The following COP1 variants were observed in gnomAD, a reference collection of about 807,000 sequenced individuals.
COP1 encodes the protein COP1 E3 ubiquitin ligase.
A neutral mutation model predicts 101.3 loss-of-function variants in COP1; 24 were observed. The ratio of observed to expected loss-of-function variants is 0.24; its 90% CI spans 0.17 to 0.33. The LOEUF is 0.33. COP1 is among the 10% of genes least tolerant of loss of function. The pLI is 1.00. For missense variants in COP1, 663 were observed against 906.2 expected (o/e 0.73, Z 3.45); for synonymous variants, 347 against 341.9 (o/e 1.01, Z -0.17).
At chr1:176,147,218 T>C (rs996418393) in intron 6 of COP1, among the ~76,000 whole-genome samples, 1 of 152,096 alleles carries the variant, frequency 6.6e-6, no homozygotes, top group Non-Finnish European at 1.5e-5. Context: ...AACACGCAAA[T>C]AGACTTACAT....
At chr1:175,951,608 T>A (rs975140790) in intron 18 of COP1, among the ~76,000 whole-genome samples, 1 of 151,628 alleles carries the variant, frequency 6.6e-6, no homozygotes, top group African/African-American at 2.4e-5. Flanking sequence ...AAGAAACAAA[T>A]GAAGTGAGTC....
chr1:176,080,997 T>C (rs546949852), intron 11 of COP1, among the ~76,000 whole-genome samples, 155 bp downstream of exon 11: 6 of 152,218 alleles, frequency 3.9e-5, no homozygotes, highest in East Asian at 1.9e-4. Flanking sequence ...ATTTGGCATA[T>C]AGAAGCTCAG....
intron 14 of COP1, among the ~76,000 whole-genome samples, chr1:176,041,872 G>A (rs1670606154): frequency 6.6e-6 from 1 of 152,084 alleles, no homozygotes; most frequent in Non-Finnish European, 1.5e-5. Flanking sequence ...CTAGCACTTT[G>A]GGAGGTTGAG....
In COP1 at chr1:175,966,229, T is replaced by TA. The variant is rs544337869; in HGVS notation, c.2134-18991dup. The stretch of plus-strand genomic sequence containing the variant: ...GTTAGTTAGCCTTCCCTGCATTCTA[T>TA]AAAAAATCCAAGGGGGTTGAGTGAA... On this transcript the variant is annotated intron_variant, in intron 18 of 19. Coordinates refer to ENST00000367669, the MANE Select transcript of COP1 (RefSeq NM_022457.7). Among the ~76,000 whole-genome samples the TA allele has an allele frequency of 1.5e-4, 23 of 152,126 alleles. No homozygotes were observed. The South Asian group carries it at 4.6e-3, about 30-fold the overall frequency.
In COP1 at chr1:176,046,240, G is replaced by T; in HGVS notation, c.1362C>A (p.Ile454=). The T allele has an allele frequency of 1.2e-6, 2 of 1,607,906 alleles. No homozygotes were observed. Among genetic ancestry groups the T allele is most frequent in the Non-Finnish European group, 1.7e-6 (2 of 1,177,266 alleles). ...KIKVYEYDTV[I]QDAVDIHYPE... is the part of the protein sequence containing the mutation. Reference sequence around the variant, plus strand: ...GGTAATGAATATCCACTGCATCCTGGATGACAGTGTCATATTCATAGACTT... The same window carrying T: ...GGTAATGAATATCCACTGCATCCTGTATGACAGTGTCATATTCATAGACTT... Residue 454 remains isoleucine, a synonymous_variant, in exon 12 of 20, where the codon ATC becomes ATA. Transcript: ENST00000367669.
At chr1:176,129,192 C>T (rs927098059) in intron 8 of COP1, among the ~76,000 whole-genome samples, 3 of 151,752 alleles carry the variant, frequency 2.0e-5, no homozygotes, top group Non-Finnish European at 3.0e-5. Context: ...ATGTTAAATA[C>T]TCTTAGCCTC....
rs139835306 is a variant in COP1 at position 176,012,535 on chromosome 1, C to A, written c.1729+15037G>T. Among the ~76,000 whole-genome samples the A allele has an allele frequency of 2.6e-3, 399 of 152,300 alleles. 3 individuals are homozygous for A. Among genetic ancestry groups the A allele is most frequent in the African/African-American group, 9.2e-3 (381 of 41,574 alleles). On this transcript the variant is annotated intron_variant, in intron 15 of 19. Transcript: ENST00000367669. ...TTATTACTAAACAAAGAACTATTAACAAATAAATTTAGTATAGCCTAAGTA... is the reference window on the plus strand; with the variant it reads ...TTATTACTAAACAAAGAACTATTAAAAAATAAATTTAGTATAGCCTAAGTA...
At chr1:176,113,945 G>GTTT (rs11435143) in intron 9 of COP1, among the ~76,000 whole-genome samples, 243 of 144,852 alleles carry the variant, frequency 1.7e-3, no homozygotes, top group East Asian at 4.6e-3. Flanking sequence ...TCAGGGTAGG[G>GTTT]TTTTTTTTTT....
intron 9 of COP1, among the ~76,000 whole-genome samples, chr1:176,111,161 AAATAAT>A (rs893170301): frequency 1.3e-5 from 2 of 152,092 alleles, no homozygotes; most frequent in Non-Finnish European, 2.9e-5. Flanking sequence ...CAAAAAATAA[AAATAAT>A]AATAATAACA....
intron 15 of COP1, among the ~76,000 whole-genome samples, chr1:175,998,063 TAAAAAAAAAA>T (rs57110017): frequency 1.3e-3 from 87 of 66,824 alleles, no homozygotes; most frequent in South Asian, 4.1e-3. Context: ...AGAGTATAAT[TAAAAAAAAAA>T]AAAAAAAAAA....
chr1:175,966,825 G>C (rs1053795795), intron 18 of COP1, among the ~76,000 whole-genome samples: 2 of 152,064 alleles, frequency 1.3e-5, no homozygotes, highest in African/African-American at 4.8e-5. Flanking sequence ...TATCAACAGA[G>C]GAAAAGGCTT....
In COP1 at chr1:176,206,858, C is replaced by A; in HGVS notation, c.121G>T (p.Ala41Ser). 7.0e-7 allele frequency: 1 copy of A among 1,436,022 alleles called. No homozygotes were observed. Among genetic ancestry groups the A allele is most frequent in the Non-Finnish European group, 9.1e-7 (1 of 1,099,970 alleles). 89.0% of individuals were successfully genotyped at this position (1,436,022 alleles called of 1,614,324 possible). A position where few individuals can be genotyped will look rare whatever the true frequency, so the allele number is the denominator to read the frequency against. ...GACACCAGCGCTGCCGCCGAAACCGCCACGGAAGGCGGCGACGGGGAAGAG... is the reference window on the plus strand; with the variant it reads ...GACACCAGCGCTGCCGCCGAAACCGACACGGAAGGCGGCGACGGGGAAGAG... ...LSSSPSPPSVAVSAAALVSGG... is the reference protein window; with the variant it reads ...LSSSPSPPSVSVSAAALVSGG... Residue 41 changes from alanine (A) to serine (S), a missense_variant, in exon 1 of 20, where the codon GCG becomes TCG. Physicochemically the swap from Ala to Ser is moderately conservative, Grantham distance 99. Around this residue, in one of 4 missense-constraint regions of COP1, gnomAD observed 204 missense variants for 203.6 expected, o/e 1.00. Coordinates refer to ENST00000367669, the MANE Select transcript of COP1 (RefSeq NM_022457.7).
At chr1:176,124,304 T>TA (rs1687649307) in intron 8 of COP1, among the ~76,000 whole-genome samples, 1 of 152,134 alleles carries the variant, frequency 6.6e-6, no homozygotes, top group Admixed American at 6.6e-5. Context: ...AATGTACAAT[T>TA]AAATTATTAT....
chr1:175,997,697 A>C (rs1027816120), intron 15 of COP1, among the ~76,000 whole-genome samples: 3 of 152,226 alleles, frequency 2.0e-5, no homozygotes, highest in African/African-American at 7.2e-5. Context: ...AACCACAATG[A>C]GATACCATCT....
chr1:175,961,984 AAT>A (rs765632870), intron 18 of COP1, among the ~76,000 whole-genome samples: 4 of 152,152 alleles, frequency 2.6e-5, no homozygotes, highest in Non-Finnish European at 5.9e-5. Context: ...ACGAGATGAA[AAT>A]ATGAGGTGGG....
At chr1:176,083,009 T>C (rs545782938) in intron 10 of COP1, among the ~76,000 whole-genome samples, 16 of 152,224 alleles carry the variant, frequency 1.1e-4, no homozygotes, top group African/African-American at 3.9e-4. Flanking sequence ...ACAGGCAATA[T>C]CATAACGGTA....
intron 12 of COP1, among the ~76,000 whole-genome samples, chr1:176,044,613 T>C (rs1671192122): frequency 6.6e-6 from 1 of 152,214 alleles, no homozygotes; most frequent in Admixed American, 6.5e-5. Context: ...GTAGAAATTA[T>C]CTGGAACAAT....
At chr1:176,063,442 C>A (rs562310692) in intron 11 of COP1, among the ~76,000 whole-genome samples, 24 of 152,256 alleles carry the variant, frequency 1.6e-4, no homozygotes, top group Non-Finnish European at 1.5e-5. Flanking sequence ...AATTATACTT[C>A]AGTAAAGGTG....
intron 10 of COP1, among the ~76,000 whole-genome samples, chr1:176,084,068 A>G (rs903328356): frequency 6.6e-6 from 1 of 152,148 alleles, no homozygotes; most frequent in Non-Finnish European, 1.5e-5. Context: ...ATTACTAATA[A>G]TAGCCTACCC....
Sources: allele counts gnomAD v4.1 joint callset (sites outside exome capture counted in the v4.1 genomes callset), GRCh38; gene constraint gnomAD v4.1.1; regional missense constraint gnomAD v4.1.1; transcripts MANE v1.5; gene names NCBI Gene and HGNC (gene_info 2026-07-23, HGNC 2026-07-21).